Variants in NCK1 observed in about 807,000 individuals in gnomAD.
The protein encoded by NCK1 is SH2/SH3 adapter protein NCK1.
In NCK1, 19 loss-of-function variants were observed where a neutral mutation model predicts 36.6. That is an observed-to-expected ratio of 0.52 (90% CI 0.36 to 0.76). The LOEUF (loss-of-function observed/expected upper bound fraction) is 0.76, where lower values mean the gene tolerates loss of function less well. Among genes scored for constraint, NCK1 ranks in the 30% least tolerant of loss-of-function variants. NCK1 has a pLI of 0.00. For synonymous variants in NCK1, 165 were observed against 156.0 expected, an observed-to-expected ratio of 1.06 and a Z score of -0.43; for missense variants, 358 against 445.6, an observed-to-expected ratio of 0.80 and a Z score of 1.77.
At chr3:136,895,343 C>T (rs945769555) in intron 1 of NCK1, among the ~76,000 whole-genome samples, 7 of 151,492 alleles carry the variant, frequency 4.6e-5, no homozygotes, top group Admixed American at 1.3e-4. Flanking sequence ...ATCATGTTTC[C>T]GTACCTTTTA....
At chr3:136,936,507 A>G (rs1189301794) in intron 2 of NCK1, among the ~76,000 whole-genome samples, 1 of 152,232 alleles carries the variant, frequency 6.6e-6, no homozygotes, top group Admixed American at 6.5e-5. Context: ...GTGTATACCT[A>G]AAAGTGGAAT....
chr3:136,936,993 G>C (rs1464671822), intron 2 of NCK1, among the ~76,000 whole-genome samples: 1 of 152,068 alleles, frequency 6.6e-6, no homozygotes, highest in Non-Finnish European at 1.5e-5. Context: ...AATGGATCTT[G>C]TTTTTTTGGT....
intron 1 of NCK1, among the ~76,000 whole-genome samples, chr3:136,923,751 A>T (rs1211342532): frequency 6.6e-6 from 1 of 152,182 alleles, no homozygotes; most frequent in Admixed American, 6.5e-5. Flanking sequence ...CATGTTTGAT[A>T]TTTAAACATC....
At chr3:136,889,621 G>A (rs923377920) in intron 1 of NCK1, among the ~76,000 whole-genome samples, 1 of 152,200 alleles carries the variant, frequency 6.6e-6, no homozygotes, top group Non-Finnish European at 1.5e-5. Flanking sequence ...GATTGGTAGA[G>A]CTGAGTGGTC....
At chr3:136,905,473 G>C (rs1460444983) in intron 1 of NCK1, among the ~76,000 whole-genome samples, 2 of 150,946 alleles carry the variant, frequency 1.3e-5, no homozygotes, top group Non-Finnish European at 3.0e-5. Context: ...GGTTGGTCTT[G>C]AACTCCTGGC....
chr3:136,923,887 C>T (rs1391908364), intron 1 of NCK1, among the ~76,000 whole-genome samples: 7 of 152,184 alleles, frequency 4.6e-5, no homozygotes, highest in East Asian at 1.9e-4. Context: ...CCTAACTCTA[C>T]GTCCAGTTGG....
intron 2 of NCK1, chr3:136,928,639 G>A (rs3772387): frequency 0.69 from 112,110 of 162,816 alleles, 38,912 homozygotes; most frequent in East Asian, 0.87. Flanking sequence ...CCTCCATTTT[G>A]TTTTTCTATT....
intron 1 of NCK1, among the ~76,000 whole-genome samples, chr3:136,901,204 A>G (rs1402752115): frequency 6.7e-6 from 1 of 149,384 alleles, no homozygotes; most frequent in Non-Finnish European, 1.5e-5. Flanking sequence ...GTTATGAATC[A>G]TATTTGTTGA....
intron 2 of NCK1, chr3:136,930,415 GA>G: frequency 8.1e-7 from 1 of 1,229,040 alleles, no homozygotes; most frequent in African/African-American, 1.6e-5. Flanking sequence ...AGAAGCCTCA[GA>G]AAAATTTTCT....
rs1940939342 is a variant in NCK1 at position 136,950,253 on chromosome 3, T to A, written c.*1800T>A. On this transcript the variant is annotated 3_prime_UTR_variant, in exon 4 of 4. Transcript: ENST00000481752. Reference sequence around the variant, plus strand: ...CTGGGTTTTCCCCCAGTCTTCCTTATGAAAAAAATGTATGTTTGTAAAAAG... The same window carrying A: ...CTGGGTTTTCCCCCAGTCTTCCTTAAGAAAAAAATGTATGTTTGTAAAAAG... Among the ~76,000 whole-genome samples the A allele has an allele frequency of 6.6e-6, 1 of 152,098 alleles. No homozygotes were observed. The highest frequency in any genetic ancestry group is 2.4e-5 in the African/African-American group (1 of 41,448).
chr3:136,894,505 G>A (rs1939341021), intron 1 of NCK1, among the ~76,000 whole-genome samples: 1 of 152,176 alleles, frequency 6.6e-6, no homozygotes, highest in African/African-American at 2.4e-5. Flanking sequence ...GTGGTATGTG[G>A]TGTAGGACCA....
At chr3:136,930,055 T>C (rs1940352270) in intron 2 of NCK1, among the ~76,000 whole-genome samples, 1 of 152,206 alleles carries the variant, frequency 6.6e-6, no homozygotes, top group Non-Finnish European at 1.5e-5. Flanking sequence ...TGTTTTGAGT[T>C]AGTGATCTGT....
intron 2 of NCK1, among the ~76,000 whole-genome samples, chr3:136,939,702 C>T (rs1940620095): frequency 6.6e-6 from 1 of 151,814 alleles, no homozygotes; most frequent in African/African-American, 2.4e-5. Context: ...TCTTGGTGAC[C>T]TATTGGTTTA....
intron 1 of NCK1, among the ~76,000 whole-genome samples, chr3:136,877,191 A>T (rs1460040229): frequency 6.6e-6 from 1 of 152,196 alleles, no homozygotes; most frequent in Non-Finnish European, 1.5e-5. Context: ...ATTTCACCTA[A>T]TACCTACAGA....
chr3:136,894,007 C>T (rs1939325928), intron 1 of NCK1, among the ~76,000 whole-genome samples: 1 of 152,110 alleles, frequency 6.6e-6, no homozygotes, highest in Admixed American at 6.5e-5. Flanking sequence ...TCCTGTTTAC[C>T]CTATTAGCAA....
chr3:136,923,559 C>CAAATAAATAAAT (rs71134421), intron 1 of NCK1, among the ~76,000 whole-genome samples: 27,085 of 145,372 alleles, frequency 0.19, 2,744 homozygotes, highest in African/African-American at 0.2. Flanking sequence ...GACTCCGTCT[C>CAAATAAATAAAT]AAATAAATAA....
chr3:136,902,022 C>G (rs998918129), intron 1 of NCK1, among the ~76,000 whole-genome samples: 6 of 151,918 alleles, frequency 3.9e-5, no homozygotes, highest in Admixed American at 3.9e-4. Flanking sequence ...ACTGTTTTTG[C>G]TGTATCTCAT....
intron 1 of NCK1, among the ~76,000 whole-genome samples, chr3:136,886,050 A>G (rs1939066142): frequency 6.6e-6 from 1 of 152,210 alleles, no homozygotes; most frequent in South Asian, 2.1e-4. Flanking sequence ...TTTATAAGGC[A>G]GGTGCCCCTT....
chr3:136,922,363 G>A (rs995684478), intron 1 of NCK1, among the ~76,000 whole-genome samples: 5 of 152,182 alleles, frequency 3.3e-5, no homozygotes, highest in African/African-American at 1.2e-4. Context: ...ACAGAGAAAG[G>A]ATTTATAATT....
Sources: allele counts gnomAD v4.1 joint callset (sites outside exome capture counted in the v4.1 genomes callset), GRCh38; gene constraint gnomAD v4.1.1; transcripts MANE v1.5; gene names NCBI Gene and HGNC (gene_info 2026-07-23, HGNC 2026-07-21).